Variants in TDRD9 observed in about 807,000 individuals in gnomAD.
The protein encoded by TDRD9 is ATP-dependent RNA helicase TDRD9.
In TDRD9, 124 loss-of-function variants were observed where a neutral mutation model predicts 172.6. The observed-to-expected ratio is 0.72, with a 90% CI of 0.62 to 0.83. The LOEUF (loss-of-function observed/expected upper bound fraction) is 0.83, where lower values mean the gene tolerates loss of function less well. Among genes scored for constraint, TDRD9 ranks in the 40% least tolerant of loss-of-function variants. TDRD9 has a pLI of 0.00. For synonymous variants in TDRD9, 619 were observed against 617.1 expected (o/e 1.00, Z -0.05); for missense variants, 1,479 against 1,714.1 (o/e 0.86, Z 2.42).
intron 7 of TDRD9, among the ~76,000 whole-genome samples, chr14:103,983,056 CTTTTTTTT>C (rs397853010): frequency 1.7e-4 from 15 of 87,640 alleles, no homozygotes; most frequent in African/African-American, 6.0e-4. Flanking sequence ...CTGTGGGTCA[CTTTTTTTT>C]TTTTTTTTTT....
intron 1 of TDRD9, among the ~76,000 whole-genome samples, chr14:103,952,459 T>A (rs1348488797): frequency 6.7e-6 from 1 of 149,818 alleles, no homozygotes; most frequent in Non-Finnish European, 1.5e-5. Flanking sequence ...GCCAGGATGG[T>A]CTTGATCTCT....
chr14:104,010,392 A>T (rs1487324725), intron 20 of TDRD9, among the ~76,000 whole-genome samples: 3 of 152,164 alleles, frequency 2.0e-5, no homozygotes, highest in African/African-American at 7.2e-5. Context: ...CTAGGCGTAC[A>T]CAGAGTCAGG....
At chr14:104,004,978 C>CT (rs946703093) in intron 14 of TDRD9, among the ~76,000 whole-genome samples, 3 of 151,872 alleles carry the variant, frequency 2.0e-5, no homozygotes, top group South Asian at 4.2e-4. Context: ...TGTCCTCCTT[C>CT]TTTTTTTTCT....
At chr14:103,941,441 A>G in intron 1 of TDRD9, 1 of 1,535,366 alleles carries the variant, frequency 6.5e-7, no homozygotes, top group Non-Finnish European at 8.7e-7. Context: ...CTTGTGAGCA[A>G]AGAACTTCAA....
At chr14:104,007,376 A>G (rs541118048) in intron 19 of TDRD9, among the ~76,000 whole-genome samples, 172 bp downstream of exon 19, 9 of 152,220 alleles carry the variant, frequency 5.9e-5, no homozygotes, top group African/African-American at 2.2e-4. Context: ...TAATCTCCGC[A>G]GACTGGTCCT....
At chr14:104,051,831 G>A in intron 35 of TDRD9, 150 bp from the exon 36 acceptor site, 2 of 537,768 alleles carry the variant, frequency 3.7e-6, no homozygotes, top group South Asian at 2.4e-5. Flanking sequence ...CAAACCTATA[G>A]TATGAAGTGT....
At chr14:103,972,540 T>A (rs2033078723) in intron 6 of TDRD9, among the ~76,000 whole-genome samples, 1 of 152,216 alleles carries the variant, frequency 6.6e-6, no homozygotes, top group Admixed American at 6.5e-5. Flanking sequence ...AGAATAATTG[T>A]GCAGTCTAAA....
At chr14:104,048,265 G>T (rs1049890177) in intron 34 of TDRD9, among the ~76,000 whole-genome samples, 2 of 152,118 alleles carry the variant, frequency 1.3e-5, no homozygotes, top group African/African-American at 4.8e-5. Context: ...TAGAAACAAG[G>T]TCTCACTTTG....
At position 103,982,499 on chromosome 14, in the gene TDRD9, C is replaced by G. The variant is rs142336430; in HGVS notation, c.1012-3718C>G. Among the ~76,000 whole-genome samples, 817 of 152,312 alleles carry G rather than the reference C, an allele frequency of 5.4e-3. 4 individuals carry two copies. Among genetic ancestry groups the G allele is most frequent in the Admixed American group, 0.01 (158 of 15,300 alleles). On this transcript the variant is annotated intron_variant, in intron 7 of 35. Coordinates refer to ENST00000409874, the MANE Select transcript of TDRD9 (RefSeq NM_153046.3). The stretch of plus-strand genomic sequence containing the variant: ...GGCCACTTCGATTCTTGAAACTCAC[C>G]CTCTCTTTGGGTTCTGTGGTGGCAT...
intron 1 of TDRD9, among the ~76,000 whole-genome samples, chr14:103,933,364 C>T (rs2030532776): frequency 6.6e-6 from 1 of 152,186 alleles, no homozygotes; most frequent in Non-Finnish European, 1.5e-5. Context: ...ACTTTCCTGT[C>T]TTCACAGCTC....
intron 20 of TDRD9, among the ~76,000 whole-genome samples, chr14:104,011,621 G>A (rs1284910054): frequency 1.3e-5 from 2 of 152,108 alleles, no homozygotes; most frequent in African/African-American, 2.4e-5. Context: ...GATGAGTTAC[G>A]TTTTTTCATT....
chr14:103,938,100 A>G (rs2030891562), intron 1 of TDRD9, among the ~76,000 whole-genome samples: 1 of 151,974 alleles, frequency 6.6e-6, no homozygotes, highest in African/African-American at 2.4e-5. Context: ...AGTATCACCT[A>G]CTTTATAAGG....
At chr14:104,013,179 G>C (rs1375613957) in intron 20 of TDRD9, among the ~76,000 whole-genome samples, 1 of 152,028 alleles carries the variant, frequency 6.6e-6, no homozygotes, top group Non-Finnish European at 1.5e-5. Flanking sequence ...GTTCACACTT[G>C]TGACTGTATT....
intron 7 of TDRD9, among the ~76,000 whole-genome samples, chr14:103,984,129 T>G (rs918481519): frequency 2.0e-5 from 3 of 152,220 alleles, no homozygotes; most frequent in Non-Finnish European, 4.4e-5. Context: ...CATTCAGTTT[T>G]AAAAGGGAAA....
At position 104,052,114 on chromosome 14, in the gene TDRD9, T is replaced by G; in HGVS notation, c.*32T>G. The G allele has an allele frequency of 6.7e-7, 1 of 1,499,438 alleles. No homozygotes were observed. The highest frequency in any genetic ancestry group is 9.1e-7 in the Non-Finnish European group (1 of 1,099,828). The allele number at this position is 1,499,438 out of a possible 1,614,324, so 92.9% of individuals were successfully genotyped here. A position where few individuals can be genotyped will look rare whatever the true frequency, so the allele number is the denominator to read the frequency against. On this transcript the variant is annotated 3_prime_UTR_variant, in exon 36 of 36. Coordinates refer to ENST00000409874, the MANE Select transcript of TDRD9 (RefSeq NM_153046.3). ...CCACAGGTGGCCTCCAGCACACCCC[T>G]CAGGAAGCTGTGGAGGCTGGATTCC...
At chr14:104,023,665 G>A (rs1402853106) in intron 24 of TDRD9, among the ~76,000 whole-genome samples, 2 of 152,276 alleles carry the variant, frequency 1.3e-5, no homozygotes, top group East Asian at 3.8e-4. Flanking sequence ...AGTCACCTAT[G>A]TGGGAAGTCT....
intron 13 of TDRD9, among the ~76,000 whole-genome samples, chr14:104,003,592 C>T (rs574371314): frequency 6.6e-6 from 1 of 152,180 alleles, no homozygotes; most frequent in Non-Finnish European, 1.5e-5. Context: ...CCTCCTACCC[C>T]TCCCTTCACT....
intron 1 of TDRD9, among the ~76,000 whole-genome samples, chr14:103,938,548 C>T (rs1340786097): frequency 4.0e-5 from 6 of 149,510 alleles, no homozygotes; most frequent in Non-Finnish European, 5.9e-5. Context: ...ATGCCATTCT[C>T]CTGCCTCAGC....
intron 2 of TDRD9, among the ~76,000 whole-genome samples, chr14:103,962,270 ACT>A (rs199941321): frequency 0.023 from 3,527 of 152,284 alleles, 78 homozygotes; most frequent in East Asian, 0.071. Context: ...GGGAATGCAC[ACT>A]TAAATTGATG....
Sources: gnomAD v4.1 joint callset for allele counts (sites outside exome capture counted in the v4.1 genomes callset) on GRCh38, gnomAD v4.1.1 for gene constraint, MANE v1.5 for transcripts, NCBI Gene and HGNC (gene_info 2026-07-23, HGNC 2026-07-21) for gene names.